Variants in CNTN5 observed in about 807,000 individuals in gnomAD.
The protein encoded by CNTN5 is contactin 5.
Under a neutral mutation model 129.1 loss-of-function variants are expected in CNTN5, and 77 were observed. The observed-to-expected ratio is 0.60, with a 90% CI of 0.50 to 0.72. The LOEUF is 0.72. Among genes scored for constraint, CNTN5 ranks in the 30% least tolerant of loss-of-function variants. The pLI is 0.00. For synonymous variants in CNTN5, 509 were observed against 465.6 expected, an observed-to-expected ratio of 1.09 and a Z score of -1.20; for missense variants, 1,478 against 1,328.8, an observed-to-expected ratio of 1.11 and a Z score of -1.75.
At chr11:100,311,387 C>T (rs577170476) in intron 21 of CNTN5, among the ~76,000 whole-genome samples, 25 of 150,886 alleles carry the variant, frequency 1.7e-4, no homozygotes, top group South Asian at 1.3e-3. Flanking sequence ...GATTCTGTTT[C>T]GGGTGTTTTA....
intron 1 of CNTN5, among the ~76,000 whole-genome samples, chr11:99,248,528 G>A (rs12294280): frequency 7.9e-5 from 12 of 152,086 alleles, no homozygotes; most frequent in African/African-American, 2.2e-4. Flanking sequence ...TAGACATGAA[G>A]TCCTTGCCCA....
chr11:99,841,851 C>T (rs867934810), intron 4 of CNTN5, among the ~76,000 whole-genome samples: 10 of 135,296 alleles, frequency 7.4e-5, no homozygotes, highest in South Asian at 2.4e-4. Context: ...CACACACACA[C>T]ATATATATAC....
At chr11:99,265,643 T>C (rs1168798513) in intron 1 of CNTN5, among the ~76,000 whole-genome samples, 2 of 152,034 alleles carry the variant, frequency 1.3e-5, no homozygotes, top group East Asian at 3.9e-4. Flanking sequence ...TAATTTTCAG[T>C]AATTTATGTG....
At chr11:99,594,139 C>T (rs768856107) in intron 3 of CNTN5, among the ~76,000 whole-genome samples, 8 of 152,108 alleles carry the variant, frequency 5.3e-5, no homozygotes, top group Non-Finnish European at 1.0e-4. Flanking sequence ...TATTGTTATA[C>T]TTTTTAATGG....
At chr11:100,034,129 C>A (rs575098894) in intron 9 of CNTN5, among the ~76,000 whole-genome samples, 30 of 152,314 alleles carry the variant, frequency 2.0e-4, no homozygotes, top group African/African-American at 7.2e-4. Context: ...TCACATTTCT[C>A]AAATCTCAGC....
At chr11:99,057,785 A>AGT (rs67721084) in intron 1 of CNTN5, among the ~76,000 whole-genome samples, 12,270 of 144,814 alleles carry the variant, frequency 0.085, 768 homozygotes, top group African/African-American at 0.17. Flanking sequence ...ATGAAACATA[A>AGT]GTGTGTGTGT....
chr11:100,333,408 G>GAAAAAAAA (rs547220238), intron 21 of CNTN5, among the ~76,000 whole-genome samples: 21 of 74,274 alleles, frequency 2.8e-4, no homozygotes, highest in Admixed American at 5.4e-4. Flanking sequence ...CACTGAATTA[G>GAAAAAAAA]AAAAAAAAAA....
intron 13 of CNTN5, among the ~76,000 whole-genome samples, chr11:100,138,766 T>A (rs1258168124): frequency 6.6e-6 from 1 of 152,148 alleles, no homozygotes; most frequent in Admixed American, 6.6e-5. Flanking sequence ...TATTCTCTAC[T>A]GGATTGCTAT....
At chr11:99,193,801 A>G (rs1225526067) in intron 1 of CNTN5, among the ~76,000 whole-genome samples, 1 of 152,180 alleles carries the variant, frequency 6.6e-6, no homozygotes, top group African/African-American at 2.4e-5. Flanking sequence ...ATGGCATCAA[A>G]CTACCCTTTG....
At chr11:99,695,572 G>T (rs1265907630) in intron 3 of CNTN5, among the ~76,000 whole-genome samples, 2 of 151,928 alleles carry the variant, frequency 1.3e-5, no homozygotes, top group Non-Finnish European at 2.9e-5. Context: ...GATTTAGAAA[G>T]AGGCACTGGA....
chr11:100,349,506 T>G (rs1952357552), intron 23 of CNTN5, among the ~76,000 whole-genome samples: 1 of 151,868 alleles, frequency 6.6e-6, no homozygotes, highest in African/African-American at 2.4e-5. Context: ...ACTAAAATTG[T>G]TATTATCATC....
At chr11:99,420,331 T>G (rs2134949) in intron 2 of CNTN5, among the ~76,000 whole-genome samples, 124,190 of 152,130 alleles carry the variant, frequency 0.82, 51,158 homozygotes, top group East Asian at 0.94. Context: ...ATCAACTGCA[T>G]GTCATAATTT....
At chr11:99,903,153 C>G (rs570262977) in intron 6 of CNTN5, among the ~76,000 whole-genome samples, 11 of 151,960 alleles carry the variant, frequency 7.2e-5, no homozygotes, top group Non-Finnish European at 1.5e-4. Flanking sequence ...GGTACTTGAT[C>G]AGGAGGCCAG....
intron 3 of CNTN5, among the ~76,000 whole-genome samples, chr11:99,787,157 G>T (rs886703346): frequency 6.6e-6 from 1 of 150,484 alleles, no homozygotes; most frequent in Non-Finnish European, 1.5e-5. Flanking sequence ...GGGTACATGT[G>T]CACCTGCACG....
intron 1 of CNTN5, among the ~76,000 whole-genome samples, chr11:99,108,987 C>A (rs926061933): frequency 6.6e-6 from 1 of 151,130 alleles, no homozygotes; most frequent in African/African-American, 2.4e-5. Context: ...ACAAAAAAGG[C>A]TCATATGTAA....
chr11:99,901,167 A>G (rs918725324), intron 6 of CNTN5, among the ~76,000 whole-genome samples: 2 of 152,222 alleles, frequency 1.3e-5, no homozygotes, highest in African/African-American at 4.8e-5. Flanking sequence ...AGTATTCAGT[A>G]AATGGTAGCT....
At chr11:100,042,502 G>T (rs1214694054) in intron 9 of CNTN5, among the ~76,000 whole-genome samples, 1 of 152,112 alleles carries the variant, frequency 6.6e-6, no homozygotes, top group Non-Finnish European at 1.5e-5. Flanking sequence ...CCTACAATTT[G>T]TCTGTGAATA....
At chr11:99,688,597 T>C (rs1953898648) in intron 3 of CNTN5, among the ~76,000 whole-genome samples, 2 of 152,144 alleles carry the variant, frequency 1.3e-5, no homozygotes, top group South Asian at 4.1e-4. Flanking sequence ...TTTAACTTTT[T>C]ATTATTATTT....
At position 100,306,978 on chromosome 11, in the gene CNTN5, A is replaced by G. The variant is rs541708036; in HGVS notation, c.2621-1381A>G. On this transcript the variant is annotated intron_variant, in intron 20 of 24. Coordinates refer to ENST00000524871, the MANE Select transcript of CNTN5 (RefSeq NM_014361.4). ...GACACAATTATAGCAAGTGTTTTTA[A>G]CAAAGGTTTGGCCAAAAGAAAATCA... is the stretch of plus-strand genomic sequence containing the variant. 1.6e-4 allele frequency among the ~76,000 whole-genome samples: 25 copies of G among 151,834 alleles called. No individual in the cohort carries two copies. In the South Asian group the frequency reaches 2.7e-3, roughly 16 times the overall value.
Sources: gnomAD v4.1 joint callset for allele counts (sites outside exome capture counted in the v4.1 genomes callset) on GRCh38, gnomAD v4.1.1 for gene constraint, MANE v1.5 for transcripts, NCBI Gene and HGNC (gene_info 2026-07-23, HGNC 2026-07-21) for gene names.